The following ASB13 variants were observed in gnomAD, a reference collection of about 807,000 sequenced individuals.
The protein encoded by ASB13 is ankyrin repeat and SOCS box protein 13.
Under a neutral mutation model 28.8 loss-of-function variants are expected in ASB13, and 33 were observed. The observed-to-expected ratio is 1.15, with a 90% CI of 0.87 to 1.53. The LOEUF (loss-of-function observed/expected upper bound fraction) is 1.53, where lower values mean the gene tolerates loss of function less well. Ranked by LOEUF, ASB13 falls within the 40% of genes most tolerant of loss-of-function variation. The pLI is 0.00. For missense variants in ASB13, 414 were observed against 390.1 expected (o/e 1.06, Z -0.52); for synonymous variants, 182 against 172.9 (o/e 1.05, Z -0.41).
At position 5,660,952 on chromosome 10, in the gene ASB13, G is replaced by A. The variant is rs773444259; in HGVS notation, c.43+5557C>T. Among the ~76,000 whole-genome samples, 4 of 152,322 alleles carry A rather than the reference G, an allele frequency of 2.6e-5. No individual in the cohort carries two copies. The highest frequency in any genetic ancestry group is 3.9e-4 in the East Asian group (2 of 5,188). ...GCTGCACAGCCAGGTTCTGCTGGCCGGAGACCACCAGCAGCTTGAAAGCAG... is the reference window on the plus strand; with the variant it reads ...GCTGCACAGCCAGGTTCTGCTGGCCAGAGACCACCAGCAGCTTGAAAGCAG... On this transcript the variant is annotated intron_variant, in intron 1 of 5. Coordinates refer to ENST00000357700, the MANE Select transcript of ASB13 (RefSeq NM_024701.4). The surrounding 1 kb of genome is among the most constrained non-coding windows in gnomAD (Gnocchi z 6.1).
In ASB13 at chr10:5,645,851, T is replaced by C. The variant is rs1422328172; in HGVS notation, c.517+3119A>G. On this transcript the variant is annotated intron_variant, in intron 4 of 5. Coordinates refer to ENST00000357700, the MANE Select transcript of ASB13 (RefSeq NM_024701.4). The surrounding 1 kb of genome is among the most constrained non-coding windows in gnomAD (Gnocchi z 5.4). ...CCAAAAGATCAGAATCACTACTTTT[T>C]AAAAATCTGTTTGTGAGGACGTAGG... Among the ~76,000 whole-genome samples the C allele has an allele frequency of 2.0e-5, 3 of 152,204 alleles. No homozygotes were observed. Among genetic ancestry groups the C allele is most frequent in the African/African-American group, 7.2e-5 (3 of 41,448 alleles).
rs1221393077 is a variant in ASB13, at chr10:5,659,680, A to G, written c.44-6630T>C. On this transcript the variant is annotated intron_variant, in intron 1 of 5. Coordinates refer to ENST00000357700, the MANE Select transcript of ASB13 (RefSeq NM_024701.4). This position sits in a 1 kb window ranked among gnomAD's most constrained non-coding sequence, Gnocchi z 5.8. Reference sequence around the variant, plus strand: ...GCCCACCCCCCCACGCCATCTCCACACTATTGCCCCACCACCAGCTGATCA... The same window carrying G: ...GCCCACCCCCCCACGCCATCTCCACGCTATTGCCCCACCACCAGCTGATCA... Among the ~76,000 whole-genome samples, 1 of 148,074 alleles carries G rather than the reference A, an allele frequency of 6.8e-6. No homozygotes were observed. Among genetic ancestry groups the G allele is most frequent in the Non-Finnish European group, 1.5e-5 (1 of 67,224 alleles).
chr10:5,653,991 C>A (rs544461514), intron 1 of ASB13, among the ~76,000 whole-genome samples: 7 of 151,972 alleles, frequency 4.6e-5, no homozygotes, highest in Admixed American at 1.3e-4. Flanking sequence ...TCTTTTATTT[C>A]TTTTCCTTGT....
intron 1 of ASB13, among the ~76,000 whole-genome samples, chr10:5,662,875 CT>C (rs1480908324): frequency 1.3e-5 from 2 of 152,204 alleles, no homozygotes; most frequent in African/African-American, 4.8e-5. Context: ...CACTTAACCA[CT>C]ATCACCAAAT....
intron 1 of ASB13, among the ~76,000 whole-genome samples, chr10:5,654,557 A>G: frequency 6.6e-6 from 1 of 152,192 alleles, no homozygotes; most frequent in Non-Finnish European, 1.5e-5. Context: ...AGATGCAGAA[A>G]CCACGCACGT....
chr10:5,660,355 G>A lies in ASB13; in HGVS notation c.43+6154C>T, dbSNP rs982235517. Among the ~76,000 whole-genome samples the A allele has an allele frequency of 1.3e-5, 2 of 152,096 alleles. No homozygotes were observed. The highest frequency in any genetic ancestry group is 4.8e-5 in the African/African-American group (2 of 41,422). Reference sequence around the variant, plus strand: ...ACCCCAGCTCCTCTTCCCCTCTCTTGCCCCTTTGCTGGGGCCCCGACACCC... The same window carrying A: ...ACCCCAGCTCCTCTTCCCCTCTCTTACCCCTTTGCTGGGGCCCCGACACCC... On this transcript the variant is annotated intron_variant, in intron 1 of 5. Coordinates refer to ENST00000357700, the MANE Select transcript of ASB13 (RefSeq NM_024701.4). The surrounding 1 kb of genome is among the most constrained non-coding windows in gnomAD (Gnocchi z 6.1).
chr10:5,653,444 C>G (rs1369232286), intron 1 of ASB13, among the ~76,000 whole-genome samples: 1 of 152,186 alleles, frequency 6.6e-6, no homozygotes, highest in Non-Finnish European at 1.5e-5. Context: ...CCAGGTGGGC[C>G]CAGGTAAAAC....
At position 5,644,291 on chromosome 10, in the gene ASB13, C is replaced by T. The variant is rs192860135; in HGVS notation, c.518-2330G>A. 7.2e-5 allele frequency among the ~76,000 whole-genome samples: 11 copies of T among 152,226 alleles called. No individual in the cohort carries two copies. In the East Asian group the frequency reaches 1.7e-3, roughly 24 times the overall value. On this transcript the variant is annotated intron_variant, in intron 4 of 5. Coordinates refer to ENST00000357700, the MANE Select transcript of ASB13 (RefSeq NM_024701.4). This position sits in a 1 kb window ranked among gnomAD's most constrained non-coding sequence, Gnocchi z 5.1. ...AGCGGATCTCTTGGGCCCAGGAAAT[C>T]GAGACCAGCCTGCGCAACATAGTGA...
chr10:5,653,657 CATTTATTTATTT>C (rs34881215), intron 1 of ASB13, among the ~76,000 whole-genome samples: 71 of 148,616 alleles, frequency 4.8e-4, no homozygotes, highest in South Asian at 8.7e-4. Flanking sequence ...ATGTGGATGC[CATTTATTTATTT>C]ATTTATTTAT....
rs951505265 is a variant in ASB13, at chr10:5,664,336, A to C, written c.43+2173T>G. On this transcript the variant is annotated intron_variant, in intron 1 of 5. Transcript: ENST00000357700. The surrounding 1 kb of genome is among the most constrained non-coding windows in gnomAD (Gnocchi z 4.2). The stretch of plus-strand genomic sequence containing the variant: ...CCAGGAGAGAGAGAACACAGGACTC[A>C]TTGCTTACCTGAGGGGCCTAAGAAG... Among the ~76,000 whole-genome samples the C allele has an allele frequency of 1.3e-5, 2 of 151,818 alleles. No homozygotes were observed. Among genetic ancestry groups the C allele is most frequent in the Non-Finnish European group, 2.9e-5 (2 of 67,956 alleles).
In ASB13 at chr10:5,655,327, T is replaced by C. The variant is rs1386536981; in HGVS notation, c.44-2277A>G. ...TTATCAGCTTACCCAAAACACAACT[T>C]CCCTGAGTGTCAGTTTCTTTACCTG... On this transcript the variant is annotated intron_variant, in intron 1 of 5. Coordinates refer to ENST00000357700, the MANE Select transcript of ASB13 (RefSeq NM_024701.4). This position sits in a 1 kb window ranked among gnomAD's most constrained non-coding sequence, Gnocchi z 6.2. Among the ~76,000 whole-genome samples, 1 of 152,116 alleles carries C rather than the reference T, an allele frequency of 6.6e-6. No homozygotes were observed. Among genetic ancestry groups the C allele is most frequent in the African/African-American group, 2.4e-5 (1 of 41,416 alleles).
At position 5,640,655 on chromosome 10, in the gene ASB13, A is replaced by G; in HGVS notation, c.*48T>C. ...GAACAGGCAGAGCCCTCACCCGGGC[A>G]ATGCTGGGCACAACGGGGGCAGCCA... is the stretch of plus-strand genomic sequence containing the variant. On this transcript the variant is annotated 3_prime_UTR_variant, in exon 6 of 6. Transcript: ENST00000357700. 1 of 1,611,434 alleles carries G rather than the reference A, an allele frequency of 6.2e-7. No individual in the cohort carries two copies. Among genetic ancestry groups the G allele is most frequent in the South Asian group, 1.1e-5 (1 of 90,926 alleles).
chr10:5,651,535 C>T lies in ASB13; in HGVS notation c.232-172G>A, dbSNP rs896359676. The T allele has an allele frequency of 3.2e-5, 21 of 665,558 alleles. No homozygotes were observed. Among genetic ancestry groups the T allele is most frequent in the African/African-American group, 7.3e-5 (4 of 54,452 alleles). 41.2% of individuals were successfully genotyped at this position (665,558 alleles called of 1,614,324 possible). On this transcript the variant is annotated intron_variant, in intron 2 of 5. Coordinates refer to ENST00000357700, the MANE Select transcript of ASB13 (RefSeq NM_024701.4). The surrounding 1 kb of genome is among the most constrained non-coding windows in gnomAD (Gnocchi z 5.1). ...GAGATAGCACGTGGCTGCGGAGCAC[C>T]GACGGCCTCCTGAGTAGAGAAGTCA...
intron 1 of ASB13, among the ~76,000 whole-genome samples, chr10:5,657,496 G>A (rs1038785495): frequency 3.9e-5 from 6 of 152,116 alleles, no homozygotes; most frequent in Non-Finnish European, 8.8e-5. Flanking sequence ...CCTCACACCT[G>A]TTAGGATTAT....
rs568831631 is a variant in ASB13, at chr10:5,659,317, G to T, written c.44-6267C>A. On this transcript the variant is annotated intron_variant, in intron 1 of 5. Transcript: ENST00000357700. The surrounding 1 kb of genome is among the most constrained non-coding windows in gnomAD (Gnocchi z 5.8). Reference sequence around the variant, plus strand: ...ACCCACTGCTGCCACATAATAGGTTGCCCCCTCCCTAATGCAGATGATTGA... The same window carrying T: ...ACCCACTGCTGCCACATAATAGGTTTCCCCCTCCCTAATGCAGATGATTGA... 6.6e-6 allele frequency among the ~76,000 whole-genome samples: 1 copy of T among 152,222 alleles called. No homozygotes were observed. Among genetic ancestry groups the T allele is most frequent in the African/African-American group, 2.4e-5 (1 of 41,530 alleles).
rs1329365385 is a variant in ASB13, at chr10:5,651,237, G to T, written c.358C>A (p.Pro120Thr). 2 of 1,613,136 alleles carry T rather than the reference G, an allele frequency of 1.2e-6. No homozygotes were observed. The highest frequency in any genetic ancestry group is 1.7e-6 in the Non-Finnish European group (2 of 1,179,502). Residue 120 changes from proline to threonine, a missense_variant, in exon 3 of 6, where the codon CCC becomes ACC. Transcript: ENST00000357700. This position sits in a 1 kb window ranked among gnomAD's most constrained non-coding sequence, Gnocchi z 5.1. ...CCGCTCATGCAGGCCTCGTGCAGGG[G>T]GGACGCTGTGTACAGGGGAGGGTTG... ...KVNPPLYTAS[P>T]LHEACMSGSS... is the part of the protein sequence containing the mutation.
At position 5,651,169 on chromosome 10, in the gene ASB13, C is replaced by T. The variant is rs376674577; in HGVS notation, c.382+44G>A. On this transcript the variant is annotated intron_variant, in intron 3 of 5. Coordinates refer to ENST00000357700, the MANE Select transcript of ASB13 (RefSeq NM_024701.4). The surrounding 1 kb of genome is among the most constrained non-coding windows in gnomAD (Gnocchi z 5.1). The stretch of plus-strand genomic sequence containing the variant: ...CCCTTTAATCCCAGAAAGGAGGAAA[C>T]TTCCAGAGCCCAGCTGGGCCAGCCC... The T allele has an allele frequency of 1.3e-6, 2 of 1,554,918 alleles. No individual in the cohort carries two copies. Among genetic ancestry groups the T allele is most frequent in the Non-Finnish European group, 1.7e-6 (2 of 1,150,896 alleles).
chr10:5,656,225 T>C lies in ASB13; in HGVS notation c.44-3175A>G, dbSNP rs1835072218. 6.6e-6 allele frequency among the ~76,000 whole-genome samples: 1 copy of C among 152,132 alleles called. No individual in the cohort carries two copies. The highest frequency in any genetic ancestry group is 6.5e-5 in the Admixed American group (1 of 15,274). On this transcript the variant is annotated intron_variant, in intron 1 of 5. Transcript: ENST00000357700. The surrounding 1 kb of genome is among the most constrained non-coding windows in gnomAD (Gnocchi z 4.3). ...GTGAGTGAGTGGATGAGTAAATGAA[T>C]GGAAGGAGTTACTAAAACCAATTAT... is the stretch of plus-strand genomic sequence containing the variant.
chr10:5,656,135 A>C lies in ASB13; in HGVS notation c.44-3085T>G, dbSNP rs559120164. Among the ~76,000 whole-genome samples the C allele has an allele frequency of 2.6e-5, 4 of 152,310 alleles. No homozygotes were observed. The South Asian group carries it at 8.3e-4, about 32-fold the overall frequency. On this transcript the variant is annotated intron_variant, in intron 1 of 5. Transcript: ENST00000357700. This position sits in a 1 kb window ranked among gnomAD's most constrained non-coding sequence, Gnocchi z 4.3. Reference sequence around the variant, plus strand: ...GCCGGGTCTATCTCAGGCACCGCTTATTCACCTCTGTACCCCAGAACCTGG... The same window carrying C: ...GCCGGGTCTATCTCAGGCACCGCTTCTTCACCTCTGTACCCCAGAACCTGG...
Sources: allele counts gnomAD v4.1 joint callset (sites outside exome capture counted in the v4.1 genomes callset), GRCh38; gene constraint gnomAD v4.1.1; non-coding constraint Gnocchi (gnomAD v3.1); transcripts MANE v1.5; gene names NCBI Gene and HGNC (gene_info 2026-07-23, HGNC 2026-07-21).